CC2D2B: variants seen among roughly 807,000 people sequenced by gnomAD.
CC2D2B encodes the protein protein CC2D2B.
Under a neutral mutation model 161.2 loss-of-function variants are expected in CC2D2B, and 128 were observed. The observed-to-expected ratio is 0.79, with a 90% confidence interval of 0.69 to 0.92. CC2D2B has a LOEUF of 0.92. Among genes scored for constraint, CC2D2B ranks in the 40% least tolerant of loss-of-function variants. The pLI is 0.00. For synonymous variants in CC2D2B, 391 were observed against 449.8 expected (o/e 0.87, Z 1.65); for missense variants, 1,173 against 1,375.1 (o/e 0.85, Z 2.32).
chr10:95,930,811 A>G (rs1238814723), intron 6 of CC2D2B, among the ~76,000 whole-genome samples: 2 of 152,172 alleles, frequency 1.3e-5, no homozygotes, highest in Non-Finnish European at 1.5e-5. Flanking sequence ...GGATTTTTGC[A>G]TCGATGTTCA....
At chr10:95,985,102 A>G (rs4918983) in intron 19 of CC2D2B, among the ~76,000 whole-genome samples, 1 of 152,000 alleles carries the variant, frequency 6.6e-6, no homozygotes, top group Non-Finnish European at 1.5e-5. Context: ...AACTCAACAG[A>G]TAACATTTTG....
intron 11 of CC2D2B, among the ~76,000 whole-genome samples, chr10:95,957,718 G>A (rs889181534): frequency 2.6e-5 from 4 of 151,028 alleles, no homozygotes; most frequent in African/African-American, 9.7e-5. Flanking sequence ...GTGCCACCAC[G>A]CCTGGCTAAT....
intron 34 of CC2D2B, among the ~76,000 whole-genome samples, chr10:96,030,958 C>A (rs893736999): frequency 6.6e-6 from 1 of 152,162 alleles, no homozygotes; most frequent in Non-Finnish European, 1.5e-5. Flanking sequence ...TCTCTCTATA[C>A]CCTCTACTCC....
chr10:96,012,090 G>T (rs1352695018), intron 26 of CC2D2B, 95 bp from the exon 27 acceptor site: 4 of 545,432 alleles, frequency 7.3e-6, no homozygotes, highest in Non-Finnish European at 1.3e-5. Context: ...AAGCAAGCAA[G>T]CTTTCTGTGA....
chr10:96,029,740 G>C (rs2079985677), intron 34 of CC2D2B, among the ~76,000 whole-genome samples: 1 of 151,610 alleles, frequency 6.6e-6, no homozygotes, highest in Admixed American at 6.6e-5. Flanking sequence ...TCACACAATA[G>C]TTAGGTATTA....
intron 25 of CC2D2B, among the ~76,000 whole-genome samples, chr10:96,005,700 G>A (rs183924544): frequency 3.9e-5 from 6 of 152,074 alleles, no homozygotes; most frequent in Non-Finnish European, 8.8e-5. Flanking sequence ...TTACAGACAC[G>A]TAGCCTATTT....
At chr10:95,964,600 C>A (rs932250549) in intron 12 of CC2D2B, among the ~76,000 whole-genome samples, 1 of 152,130 alleles carries the variant, frequency 6.6e-6, no homozygotes, top group Non-Finnish European at 1.5e-5. Context: ...TTAATCCTCA[C>A]AACAACCTAA....
intron 32 of CC2D2B, among the ~76,000 whole-genome samples, chr10:96,024,245 A>C (rs1325745775): frequency 6.7e-6 from 1 of 149,826 alleles, no homozygotes; most frequent in East Asian, 2.0e-4. Flanking sequence ...GTGTATGTGC[A>C]TGTGTGTGTG....
In CC2D2B at chr10:96,019,741, G is replaced by C. The variant is rs374317310; in HGVS notation, c.3805G>C (p.Val1269Leu). 1 of 1,600,764 alleles carries C rather than the reference G, an allele frequency of 6.2e-7. No individual in the cohort carries two copies. The highest frequency in any genetic ancestry group is 8.5e-7 in the Non-Finnish European group (1 of 1,175,574). Residue 1269 changes from valine (V) to leucine (L), a missense_variant, in exon 32 of 35, where the codon GTA becomes CTA. Transcript: ENST00000646931. ...NIQQNNTPMA[V>L]FFDYSKESFW... ...TCAACAAAATAATACACCAATGGCT[G>C]TATTTTTTGACTATTCAAAGGAAAG...
chr10:95,994,870 A>C (rs190596040), intron 22 of CC2D2B, among the ~76,000 whole-genome samples: 1 of 152,210 alleles, frequency 6.6e-6, no homozygotes, highest in African/African-American at 2.4e-5. Context: ...TATTATAACT[A>C]TTCTTATTTT....
At position 96,004,221 on chromosome 10, in the gene CC2D2B, T is replaced by C; in HGVS notation, c.2919T>C (p.Phe973=). The C allele has an allele frequency of 6.7e-7, 1 of 1,502,784 alleles. No individual in the cohort carries two copies. The highest frequency in any genetic ancestry group is 9.0e-7 in the Non-Finnish European group (1 of 1,105,756). 93.1% of individuals were successfully genotyped at this position (1,502,784 alleles called of 1,614,324 possible). The change falls in exon 25 of 35, where the codon TTT becomes TTC. Residue 973 remains phenylalanine, a synonymous_variant. Transcript: ENST00000646931. ...KIKDNIYINI[F]DEMMTEKHED... Reference sequence around the variant, plus strand: ...AAGATAACATATATATCAACATTTTTGATGAAATGATGACTGAAAAACATG... The same window carrying C: ...AAGATAACATATATATCAACATTTTCGATGAAATGATGACTGAAAAACATG...
chr10:95,917,699 T>C (rs1172294215), intron 2 of CC2D2B, among the ~76,000 whole-genome samples: 1 of 152,188 alleles, frequency 6.6e-6, no homozygotes, highest in Admixed American at 6.5e-5. Flanking sequence ...ACCCTTTAAC[T>C]TTATCCCCCC....
chr10:96,004,608 C>T (rs1370903646), intron 25 of CC2D2B, among the ~76,000 whole-genome samples: 1 of 152,132 alleles, frequency 6.6e-6, no homozygotes, highest in Non-Finnish European at 1.5e-5. Context: ...TATACCACTC[C>T]TGCAAAAGAG....
At chr10:96,025,166 T>TATATATATAAAAAAAAAA (rs1564683723) in intron 33 of CC2D2B, among the ~76,000 whole-genome samples, 9 of 9,970 alleles carry the variant, frequency 9.0e-4, no homozygotes, top group Non-Finnish European at 1.4e-3. Context: ...TATATATATA[T>TATATATATAAAAAAAAAA]ATATATATAT....
Sources: gnomAD v4.1 joint callset for allele counts (sites outside exome capture counted in the v4.1 genomes callset) on GRCh38, gnomAD v4.1.1 for gene constraint, MANE v1.5 for transcripts, NCBI Gene and HGNC (gene_info 2026-07-23, HGNC 2026-07-21) for gene names.